ZNF285: variants seen among roughly 807,000 people sequenced by gnomAD.
ZNF285 encodes zinc finger protein 285.
Under a neutral mutation model 6.2 loss-of-function variants are expected in ZNF285, and 4 were observed. The observed-to-expected ratio is 0.65, with a 90% CI of 0.32 to 1.49. ZNF285 has a LOEUF of 1.49. Ranked by LOEUF, ZNF285 falls within the 40% of genes most tolerant of loss-of-function variation. The pLI is 0.07. For missense variants in ZNF285, 695 were observed against 708.8 expected (o/e 0.98, Z 0.22); for synonymous variants, 240 against 245.8 (o/e 0.98, Z 0.22).
intron 1 of ZNF285, among the ~76,000 whole-genome samples, chr19:44,398,802 A>T (rs1971327133): frequency 6.6e-6 from 1 of 152,098 alleles, no homozygotes; most frequent in South Asian, 2.1e-4. Flanking sequence ...TTGCCACTTT[A>T]AGCACTGTGG....
At chr19:44,397,791 G>C (rs1441640983) in intron 1 of ZNF285, among the ~76,000 whole-genome samples, 12 of 151,776 alleles carry the variant, frequency 7.9e-5, no homozygotes, top group Non-Finnish European at 1.5e-4. Flanking sequence ...GGCTGAGGCA[G>C]GACAATCACT....
chr19:44,397,135 A>T, intron 2 of ZNF285, 64 bp downstream of exon 2: 1 of 1,610,980 alleles, frequency 6.2e-7, no homozygotes, highest in South Asian at 1.1e-5. Flanking sequence ...CCTTTCAGAA[A>T]ACAGAAGTGT....
Position 44,387,392 on chromosome 19 carries a change from T to C in ZNF285, c.853A>G (p.Lys285Glu), listed in dbSNP as rs61358479. The part of the protein sequence containing the change: ...LIVHCKTHSG[K>E]TPYEFHEWPM... Reference sequence around the variant, plus strand: ...CATTCGTGGAATTCATAGGGAGTCTTGCCAGAGTGAGTTTTACAATGAACG... The same window carrying C: ...CATTCGTGGAATTCATAGGGAGTCTCGCCAGAGTGAGTTTTACAATGAACG... Residue 285 changes from lysine (K) to glutamate (E), a missense_variant, in exon 4 of 4, where the codon AAG (lysine) becomes GAG (glutamate). Physicochemically the swap from Lys to Glu is moderately conservative, Grantham distance 56. Transcript: ENST00000614994. 0.014 allele frequency: 22,156 copies of C among 1,613,520 alleles called. 1,390 individuals carry two copies. In the African/African-American group the frequency reaches 0.18, roughly 13 times the overall value.
intron 3 of ZNF285, 30 bp from the exon 4 acceptor site, chr19:44,388,132 G>A (rs762286495): frequency 6.9e-6 from 11 of 1,589,292 alleles, no homozygotes; most frequent in Non-Finnish European, 3.4e-6. Context: ...TTGGCTAAGA[G>A]AACAAGTCAA....
chr19:44,387,204 A>G lies in ZNF285; in HGVS notation c.1041T>C (p.Asp347=). 1 of 1,614,024 alleles carries G rather than the reference A, an allele frequency of 6.2e-7. No homozygotes were observed. The highest frequency in any genetic ancestry group is 8.5e-7 in the Non-Finnish European group (1 of 1,179,992). Residue 347 remains aspartate (D), a synonymous_variant, in exon 4 of 4, where the codon GAT becomes GAC. Transcript: ENST00000614994. ...VHTGEMPYKC[D]ECGKGFGFRS... is the part of the protein sequence containing the mutation. ...TAAATCCAAACCCTTTCCCACATTC[A>G]TCGCATTTGTAGGGCATCTCCCCTG...
chr19:44,397,580 G>C (rs923565888), intron 1 of ZNF285, among the ~76,000 whole-genome samples: 1 of 152,092 alleles, frequency 6.6e-6, no homozygotes, highest in African/African-American at 2.4e-5. Context: ...CTACAGAATT[G>C]CTGAATAAGG....
At position 44,387,492 on chromosome 19, in the gene ZNF285, G is replaced by A; in HGVS notation, c.753C>T (p.His251=). 1.2e-6 allele frequency: 2 copies of A among 1,614,044 alleles called. No individual in the cohort carries two copies. Among genetic ancestry groups the A allele is most frequent in the South Asian group, 1.1e-5 (1 of 91,066 alleles). The stretch of plus-strand genomic sequence containing the variant: ...AAGATTTTTCTCCTAGGTGAGTGCT[G>A]TGATGGACATGAGGATCTGTATCAT... ...FADDTDPHVH[H]STHLGEKSYK... Residue 251 remains histidine (H), a synonymous_variant, in exon 4 of 4, where the codon CAC becomes CAT. Coordinates refer to ENST00000614994, the MANE Select transcript of ZNF285 (RefSeq NM_152354.6).
At chr19:44,395,386 G>A (rs111978389) in intron 2 of ZNF285, among the ~76,000 whole-genome samples, 1 of 152,074 alleles carries the variant, frequency 6.6e-6, no homozygotes, top group Non-Finnish European at 1.5e-5. Flanking sequence ...CTTGGTTTCT[G>A]CAACAAGTCA....
intron 3 of ZNF285, among the ~76,000 whole-genome samples, chr19:44,390,636 C>G (rs1219354999): frequency 6.6e-6 from 1 of 151,976 alleles, no homozygotes; most frequent in Non-Finnish European, 1.5e-5. Flanking sequence ...TGTTGGGAGG[C>G]ATCATTGGCT....
Position 44,400,641 on chromosome 19 carries a change from C to T in ZNF285, c.-44+927G>A, listed in dbSNP as rs529011699. 1.2e-3 allele frequency among the ~76,000 whole-genome samples: 184 copies of T among 152,234 alleles called. 2 individuals are homozygous for T. The highest frequency in any genetic ancestry group is 2.2e-3 in the Non-Finnish European group (153 of 68,016). On this transcript the variant is annotated intron_variant, in intron 1 of 3. Coordinates refer to ENST00000614994, the MANE Select transcript of ZNF285 (RefSeq NM_152354.6). Reference sequence around the variant, plus strand: ...CCAGGCTGGAGTGCAGTGGCGTGATCTCAGCTCACTGCAAGCTCCGCCTCC... The same window carrying T: ...CCAGGCTGGAGTGCAGTGGCGTGATTTCAGCTCACTGCAAGCTCCGCCTCC...
At position 44,392,349 on chromosome 19, in the gene ZNF285, T is replaced by A. The variant is rs767545805; in HGVS notation, c.133A>T (p.Met45Leu). 5 of 1,613,774 alleles carry A rather than the reference T, an allele frequency of 3.1e-6. No individual in the cohort carries two copies. In the African/African-American group the frequency reaches 6.7e-5, roughly 22 times the overall value. Residue 45 changes from methionine (M) to leucine (L), a missense_variant, in exon 3 of 4, where the codon ATG becomes TTG. Physicochemically the swap from Met to Leu is conservative, Grantham distance 15 (BLOSUM62 2). Coordinates refer to ENST00000614994, the MANE Select transcript of ZNF285 (RefSeq NM_152354.6). ...ATGCTCAGTTACTCACTCACTAACA[T>A]GAGGTTCCTGAAGTTTTCCAGCATC... Reference protein sequence around the residue: ...DVMLENFRNLMLVRDGIKNNI... With the variant: ...DVMLENFRNLLLVRDGIKNNI...
rs1256852818 is a variant in ZNF285 at position 44,382,508 on chromosome 19, C to G, written c.*3964G>C. 6.6e-6 allele frequency: 1 copy of G among 151,980 alleles called. No individual in the cohort carries two copies. The highest frequency in any genetic ancestry group is 1.5e-5 in the Non-Finnish European group (1 of 68,052). 9.4% of individuals were successfully genotyped at this position (151,980 alleles called of 1,614,324 possible). A position where few individuals can be genotyped will look rare whatever the true frequency, so the allele number is the denominator to read the frequency against. On this transcript the variant is annotated 3_prime_UTR_variant, in exon 4 of 4. Coordinates refer to ENST00000614994, the MANE Select transcript of ZNF285 (RefSeq NM_152354.6). ...AGAGACGGGGTTTCACTATGTTGGCCAGGCTGGTCTCAAACTCCTGATCTT... is the reference window on the plus strand; with the variant it reads ...AGAGACGGGGTTTCACTATGTTGGCGAGGCTGGTCTCAAACTCCTGATCTT...
At chr19:44,395,297 A>C (rs993442157) in intron 2 of ZNF285, among the ~76,000 whole-genome samples, 2 of 152,210 alleles carry the variant, frequency 1.3e-5, no homozygotes, top group African/African-American at 4.8e-5. Flanking sequence ...AATACTGTGG[A>C]TAGAGTAACA....
At chr19:44,391,709 T>A (rs932170817) in intron 3 of ZNF285, among the ~76,000 whole-genome samples, 2 of 152,060 alleles carry the variant, frequency 1.3e-5, no homozygotes, top group Non-Finnish European at 2.9e-5. Flanking sequence ...GGAGCTACAA[T>A]TCAAGACGAG....
chr19:44,400,408 T>G (rs1487108734), intron 1 of ZNF285, among the ~76,000 whole-genome samples: 1 of 152,074 alleles, frequency 6.6e-6, no homozygotes, highest in Non-Finnish European at 1.5e-5. Flanking sequence ...TAATTAACAC[T>G]AAATCTCTAA....
rs1971044558 is a variant in ZNF285, at chr19:44,384,824, A to T, written c.*1648T>A. 6.6e-6 allele frequency: 1 copy of T among 152,004 alleles called. No homozygotes were observed. The allele number at this position is 152,004 out of a possible 1,614,324, so 9.4% of individuals were successfully genotyped here. On this transcript the variant is annotated 3_prime_UTR_variant, in exon 4 of 4. Coordinates refer to ENST00000614994, the MANE Select transcript of ZNF285 (RefSeq NM_152354.6). ...GGCAACAAAGTAAGACCCCATCTCT[A>T]CAAGTACAATTTTTAAAGAAAACAT...
At chr19:44,399,818 C>G (rs1462935225) in intron 1 of ZNF285, among the ~76,000 whole-genome samples, 1 of 152,090 alleles carries the variant, frequency 6.6e-6, no homozygotes, top group African/African-American at 2.4e-5. Context: ...GGATAAGGCT[C>G]TATCCTGGGG....
intron 2 of ZNF285, among the ~76,000 whole-genome samples, chr19:44,395,912 T>G (rs1490135074): frequency 2.3e-4 from 35 of 152,106 alleles, no homozygotes; most frequent in Non-Finnish European, 1.5e-5. Context: ...CAAATATCCA[T>G]GGCATTGGCT....
At chr19:44,389,490 G>T (rs1359798173) in intron 3 of ZNF285, among the ~76,000 whole-genome samples, 3 of 152,134 alleles carry the variant, frequency 2.0e-5, no homozygotes. Flanking sequence ...TCAGCATTAT[G>T]ACTCAGTAGG....
Sources: gnomAD v4.1 joint callset for allele counts (sites outside exome capture counted in the v4.1 genomes callset) on GRCh38, gnomAD v4.1.1 for gene constraint, MANE v1.5 for transcripts, NCBI Gene and HGNC (gene_info 2026-07-23, HGNC 2026-07-21) for gene names.